The following EPHB1 variants were observed in gnomAD, a reference collection of about 807,000 sequenced individuals.
The protein encoded by EPHB1 is ephrin type-B receptor 1.
EPHB1 carries 30 observed loss-of-function variants against 94.4 expected under a neutral mutation model. The observed-to-expected ratio is 0.32, with a 90% CI of 0.24 to 0.43. The LOEUF (loss-of-function observed/expected upper bound fraction) is 0.43, where lower values mean the gene tolerates loss of function less well. Ranked by LOEUF, EPHB1 falls within the 20% of genes least tolerant of loss-of-function variation. The pLI is 1.00. For missense variants in EPHB1, 1,055 were observed against 1,308.3 expected (o/e 0.81, Z 2.99); for synonymous variants, 522 against 489.1 (o/e 1.07, Z -0.89).
rs115803418 is a variant in EPHB1, at chr3:135,187,877, C to T, written c.1883-4699C>T. Reference sequence around the variant, plus strand: ...GTGAGACTCCCCTACTCTGCACTCCCCCTCCCAACTACCTACTTCTGTTTT... The same window carrying T: ...GTGAGACTCCCCTACTCTGCACTCCTCCTCCCAACTACCTACTTCTGTTTT... On this transcript the variant is annotated intron_variant, in intron 10 of 15. Coordinates refer to ENST00000398015, the MANE Select transcript of EPHB1 (RefSeq NM_004441.5). 3.9e-3 allele frequency among the ~76,000 whole-genome samples: 589 copies of T among 152,246 alleles called. 7 individuals carry two copies. Among genetic ancestry groups the T allele is most frequent in the African/African-American group, 0.013 (559 of 41,544 alleles).
At chr3:135,116,397 TC>T (rs1939711854) in intron 4 of EPHB1, among the ~76,000 whole-genome samples, 1 of 152,188 alleles carries the variant, frequency 6.6e-6, no homozygotes, top group South Asian at 2.1e-4. Context: ...CCCTAGCTTC[TC>T]ACAGGTGGTC....
intron 8 of EPHB1, 146 bp downstream of exon 8, chr3:135,166,222 C>A (rs541776130): frequency 2.3e-5 from 14 of 613,708 alleles, no homozygotes; most frequent in Admixed American, 1.7e-4. Flanking sequence ...GCCTAGAATT[C>A]TTTAGATATT....
chr3:135,248,561 G>A (rs1251706452), intron 14 of EPHB1, 52 bp downstream of exon 14: 2 of 1,490,488 alleles, frequency 1.3e-6, no homozygotes, highest in East Asian at 2.5e-5. Flanking sequence ...CATGGTCAGG[G>A]GCATAGCCAG....
chr3:134,985,434 A>G (rs1449457750), intron 3 of EPHB1, among the ~76,000 whole-genome samples: 2 of 152,220 alleles, frequency 1.3e-5, no homozygotes, highest in African/African-American at 4.8e-5. Context: ...CTGGGATTAC[A>G]GGCGTGAGCC....
At chr3:134,984,538 A>G (rs1934525104) in intron 3 of EPHB1, among the ~76,000 whole-genome samples, 1 of 151,332 alleles carries the variant, frequency 6.6e-6, no homozygotes, top group South Asian at 2.1e-4. Context: ...GGATAGGGGA[A>G]TCAGCTACTC....
intron 1 of EPHB1, among the ~76,000 whole-genome samples, chr3:134,824,194 G>A (rs866050259): frequency 7.4e-5 from 9 of 121,206 alleles, no homozygotes; most frequent in Non-Finnish European, 1.1e-4. Flanking sequence ...AGTTTCTTGT[G>A]TGCCCAGCAT....
chr3:135,205,427 T>C (rs1286246138), intron 12 of EPHB1, among the ~76,000 whole-genome samples: 8 of 152,332 alleles, frequency 5.3e-5, no homozygotes, highest in African/African-American at 1.9e-4. Context: ...ACCCTCTGGC[T>C]TATAAAGTGG....
At chr3:135,009,172 T>G (rs1280865824) in intron 3 of EPHB1, among the ~76,000 whole-genome samples, 1 of 152,162 alleles carries the variant, frequency 6.6e-6, no homozygotes, top group African/African-American at 2.4e-5. Flanking sequence ...CAGGAAAGGT[T>G]TGAGGCCCTC....
chr3:134,946,805 C>T (rs2039225190), intron 2 of EPHB1, among the ~76,000 whole-genome samples: 1 of 152,176 alleles, frequency 6.6e-6, no homozygotes, highest in Non-Finnish European at 1.5e-5. Flanking sequence ...CACCTTCCTC[C>T]ATGATTGGAA....
At chr3:135,190,156 C>T (rs895275015) in intron 10 of EPHB1, among the ~76,000 whole-genome samples, 1 of 152,206 alleles carries the variant, frequency 6.6e-6, no homozygotes, top group African/African-American at 2.4e-5. Context: ...CCTTGTGCCT[C>T]AGTTTCCTTA....
At chr3:135,222,419 C>T (rs769592698) in intron 12 of EPHB1, among the ~76,000 whole-genome samples, 10 of 152,070 alleles carry the variant, frequency 6.6e-5, no homozygotes, top group South Asian at 4.1e-4. Context: ...GGAAGTCCCG[C>T]GGTTCTCATA....
intron 12 of EPHB1, among the ~76,000 whole-genome samples, chr3:135,213,814 C>T (rs530905676): frequency 2.6e-5 from 4 of 152,174 alleles, no homozygotes; most frequent in Non-Finnish European, 5.9e-5. Flanking sequence ...CAGTCAAGTT[C>T]CTTCTGCTAA....
intron 3 of EPHB1, among the ~76,000 whole-genome samples, chr3:134,983,241 T>A (rs182789322): frequency 1.3e-5 from 2 of 152,336 alleles, no homozygotes; most frequent in East Asian, 3.9e-4. Flanking sequence ...TGTGTGTATG[T>A]CTATGTGTGC....
chr3:135,248,022 T>C (rs1388167704), intron 13 of EPHB1, among the ~76,000 whole-genome samples: 4 of 152,200 alleles, frequency 2.6e-5, no homozygotes, highest in African/African-American at 9.7e-5. Context: ...CTCAAGCTGT[T>C]CACTGGCTCA....
At chr3:135,208,346 A>G (rs565589007) in intron 12 of EPHB1, among the ~76,000 whole-genome samples, 47 of 148,644 alleles carry the variant, frequency 3.2e-4, no homozygotes, top group African/African-American at 1.1e-3. Flanking sequence ...TGTGTTGTGC[A>G]CACAGAGAGA....
chr3:134,854,311 G>A (rs1265063189), intron 1 of EPHB1, among the ~76,000 whole-genome samples: 1 of 152,152 alleles, frequency 6.6e-6, no homozygotes, highest in Admixed American at 6.5e-5. Flanking sequence ...GCTGAGCCAA[G>A]CCTGAAAGGA....
At chr3:134,992,228 G>C (rs1934831285) in intron 3 of EPHB1, among the ~76,000 whole-genome samples, 1 of 152,162 alleles carries the variant, frequency 6.6e-6, no homozygotes, top group African/African-American at 2.4e-5. Context: ...CTCAGGGGGT[G>C]ATCCAGGGAG....
At chr3:135,139,434 A>G (rs1940741125) in intron 5 of EPHB1, among the ~76,000 whole-genome samples, 1 of 152,226 alleles carries the variant, frequency 6.6e-6, no homozygotes, top group African/African-American at 2.4e-5. Context: ...ACTGCTTGCA[A>G]GTACTGGCTC....
intron 3 of EPHB1, among the ~76,000 whole-genome samples, chr3:135,020,761 C>T (rs567650566): frequency 2.0e-4 from 30 of 152,254 alleles, no homozygotes; most frequent in Non-Finnish European, 4.0e-4. Context: ...TTTTTTAAAA[C>T]TACTTTGTTA....
Sources: gnomAD v4.1 joint callset for allele counts (sites outside exome capture counted in the v4.1 genomes callset) on GRCh38, gnomAD v4.1.1 for gene constraint, MANE v1.5 for transcripts, NCBI Gene and HGNC (gene_info 2026-07-23, HGNC 2026-07-21) for gene names.